UBE2E2: variants seen among roughly 807,000 people sequenced by gnomAD.
UBE2E2 encodes ubiquitin conjugating enzyme E2 E2.
Under a neutral mutation model 24.7 loss-of-function variants are expected in UBE2E2, and 6 were observed. The ratio of observed to expected loss-of-function variants is 0.24; its 90% CI spans 0.13 to 0.48. UBE2E2 has a LOEUF of 0.48. Among genes scored for constraint, UBE2E2 ranks in the 20% least tolerant of loss-of-function variants. The pLI is 0.99. For missense variants in UBE2E2, 169 were observed against 245.0 expected (o/e 0.69, Z 2.07); for synonymous variants, 104 against 83.6 (o/e 1.24, Z -1.33).
At chr3:23,469,875 C>T (rs552190137) in intron 3 of UBE2E2, among the ~76,000 whole-genome samples, 2 of 152,202 alleles carry the variant, frequency 1.3e-5, no homozygotes, top group South Asian at 4.1e-4. Context: ...TTCATCTTCA[C>T]AGCCTTTCTA....
At chr3:23,415,047 G>A (rs80110460) in intron 3 of UBE2E2, among the ~76,000 whole-genome samples, 4,381 of 152,286 alleles carry the variant, frequency 0.029, 109 homozygotes, top group East Asian at 0.13. Context: ...GAAGCTACTG[G>A]ACTTGCTAGA....
chr3:23,568,693 A>G (rs1053580892), intron 5 of UBE2E2, among the ~76,000 whole-genome samples: 20 of 80,178 alleles, frequency 2.5e-4, no homozygotes, highest in South Asian at 5.1e-4. Flanking sequence ...ACATATATAC[A>G]CACATATATA....
At chr3:23,394,336 A>G (rs975968483) in intron 3 of UBE2E2, among the ~76,000 whole-genome samples, 2 of 152,194 alleles carry the variant, frequency 1.3e-5, no homozygotes, top group Non-Finnish European at 2.9e-5. Context: ...GTGTAAAAAT[A>G]TTGTATATTT....
chr3:23,274,849 T>C (rs1369282640), intron 3 of UBE2E2, among the ~76,000 whole-genome samples: 2 of 152,160 alleles, frequency 1.3e-5, no homozygotes, highest in Non-Finnish European at 2.9e-5. Context: ...TCAAATAGTA[T>C]CCCTTTTTTT....
At chr3:23,316,235 G>A (rs4858498) in intron 3 of UBE2E2, among the ~76,000 whole-genome samples, 111,726 of 152,036 alleles carry the variant, frequency 0.73, 41,437 homozygotes, top group African/African-American at 0.83. Flanking sequence ...GGGTCCAGAA[G>A]TGCCATCCAA....
At chr3:23,375,008 T>C (rs951596615) in intron 3 of UBE2E2, among the ~76,000 whole-genome samples, 2 of 152,122 alleles carry the variant, frequency 1.3e-5, no homozygotes, top group African/African-American at 4.8e-5. Context: ...AGTGGAGAGT[T>C]ATGTTATTCT....
At chr3:23,243,668 C>A (rs1697313558) in intron 3 of UBE2E2, among the ~76,000 whole-genome samples, 1 of 151,670 alleles carries the variant, frequency 6.6e-6, no homozygotes, top group Non-Finnish European at 1.5e-5. Flanking sequence ...TTTTCTCAAG[C>A]GTTGGTTAGA....
chr3:23,294,869 T>A lies in UBE2E2; in HGVS notation c.227+77557T>A, dbSNP rs552325278. Among the ~76,000 whole-genome samples, 18 of 151,944 alleles carry A rather than the reference T, an allele frequency of 1.2e-4. 1 individual carries two copies. In the South Asian group the frequency reaches 3.5e-3, roughly 30 times the overall value. ...TTCAGATTTGTTATGACCAAAAATATAATGATGCAGGTAATTATTGTCTTC... is the reference window on the plus strand; with the variant it reads ...TTCAGATTTGTTATGACCAAAAATAAAATGATGCAGGTAATTATTGTCTTC... On this transcript the variant is annotated intron_variant, in intron 3 of 5. Transcript: ENST00000396703.
intron 1 of UBE2E2, among the ~76,000 whole-genome samples, chr3:23,206,240 G>A (rs1386108430): frequency 1.3e-5 from 2 of 151,998 alleles, no homozygotes; most frequent in Non-Finnish European, 2.9e-5. Flanking sequence ...TATCTGATAT[G>A]CCATTATGTA....
At chr3:23,437,878 G>A (rs982298372) in intron 3 of UBE2E2, among the ~76,000 whole-genome samples, 4 of 152,178 alleles carry the variant, frequency 2.6e-5, no homozygotes, top group Non-Finnish European at 5.9e-5. Flanking sequence ...ATTAACATGA[G>A]AAAAACACAG....
rs570944252 is a variant in UBE2E2 at position 23,265,826 on chromosome 3, G to A, written c.227+48514G>A. On this transcript the variant is annotated intron_variant, in intron 3 of 5. Coordinates refer to ENST00000396703, the MANE Select transcript of UBE2E2 (RefSeq NM_152653.4). ...AAGGACTTGCTTTATGAATCTGGGT[G>A]CTCCTGTGTTGGGTGCATATATATG... Among the ~76,000 whole-genome samples, 12 of 152,282 alleles carry A rather than the reference G, an allele frequency of 7.9e-5. No homozygotes were observed. In the East Asian group the frequency reaches 2.3e-3, roughly 29 times the overall value.
intron 1 of UBE2E2, among the ~76,000 whole-genome samples, chr3:23,205,689 T>C (rs1055239708): frequency 1.7e-4 from 26 of 152,310 alleles, no homozygotes; most frequent in South Asian, 8.3e-4. Flanking sequence ...GGATGAAATA[T>C]GTCTTAACTC....
chr3:23,487,969 A>G (rs558057612), intron 3 of UBE2E2, among the ~76,000 whole-genome samples: 2 of 151,234 alleles, frequency 1.3e-5, no homozygotes, highest in South Asian at 4.2e-4. Context: ...TTGGAGCTAG[A>G]TGATTGTGTA....
chr3:23,497,841 A>T (rs1036500844), intron 3 of UBE2E2, among the ~76,000 whole-genome samples: 1 of 152,152 alleles, frequency 6.6e-6, no homozygotes, highest in Non-Finnish European at 1.5e-5. Flanking sequence ...TCAGGGGTCA[A>T]CTGTATATTC....
At chr3:23,364,823 G>GA (rs1484009094) in intron 3 of UBE2E2, among the ~76,000 whole-genome samples, 1 of 152,064 alleles carries the variant, frequency 6.6e-6, no homozygotes, top group Non-Finnish European at 1.5e-5. Flanking sequence ...CAACAAAAAA[G>GA]AAAATCTTAG....
At chr3:23,359,253 G>T (rs1696048599) in intron 3 of UBE2E2, among the ~76,000 whole-genome samples, 1 of 152,232 alleles carries the variant, frequency 6.6e-6, no homozygotes, top group East Asian at 1.9e-4. Context: ...GCAGAGTGCT[G>T]GTCCTGTCAT....
intron 3 of UBE2E2, among the ~76,000 whole-genome samples, chr3:23,322,530 T>G (rs1217989193): frequency 6.6e-6 from 1 of 152,138 alleles, no homozygotes; most frequent in African/African-American, 2.4e-5. Flanking sequence ...AGCTTCATAG[T>G]CTATATCTTA....
chr3:23,373,826 C>T (rs1696455185), intron 3 of UBE2E2, among the ~76,000 whole-genome samples: 2 of 152,090 alleles, frequency 1.3e-5, no homozygotes, highest in African/African-American at 2.4e-5. Context: ...TCACTATACA[C>T]ATAACAAAAA....
At chr3:23,403,857 CAT>C (rs1697289393) in intron 3 of UBE2E2, among the ~76,000 whole-genome samples, 1 of 141,874 alleles carries the variant, frequency 7.0e-6, no homozygotes, top group South Asian at 2.3e-4. Context: ...ATTTTAAAAA[CAT>C]AGAGGACAAA....
Sources: allele counts gnomAD v4.1 joint callset (sites outside exome capture counted in the v4.1 genomes callset), GRCh38; gene constraint gnomAD v4.1.1; transcripts MANE v1.5; gene names NCBI Gene and HGNC (gene_info 2026-07-23, HGNC 2026-07-21).